The following NR6A1 variants were observed in gnomAD, a reference collection of about 807,000 sequenced individuals.
NR6A1 encodes the protein nuclear receptor subfamily 6 group A member 1, also known as retinoic acid receptor-related testis-associated receptor.
NR6A1 carries 7 observed loss-of-function variants against 59.1 expected under a neutral mutation model. The observed-to-expected ratio is 0.12, with a 90% CI of 0.07 to 0.22. The LOEUF is 0.22. NR6A1 is among the 10% of genes least tolerant of loss of function. The probability of loss-of-function intolerance (pLI) is 1.00; values close to 1 mark genes in which losing one functional copy is unlikely to be tolerated. For missense variants in NR6A1, 468 were observed against 611.6 expected (o/e 0.77, Z 2.48); for synonymous variants, 243 against 236.1 (o/e 1.03, Z -0.27).
intron 1 of NR6A1, among the ~76,000 whole-genome samples, chr9:124,761,649 CTCT>C (rs1162633498): frequency 1.3e-5 from 2 of 152,070 alleles, no homozygotes; most frequent in East Asian, 3.8e-4. Flanking sequence ...GAAATCACAA[CTCT>C]AAGACTCAGT....
chr9:124,536,897 C>G (rs921696456), intron 6 of NR6A1, among the ~76,000 whole-genome samples: 1 of 152,124 alleles, frequency 6.6e-6, no homozygotes, highest in African/African-American at 2.4e-5. Context: ...TTTTTCTGCT[C>G]TCACTCCACC....
intron 3 of NR6A1, among the ~76,000 whole-genome samples, chr9:124,544,090 AT>A (rs1833524158): frequency 6.6e-6 from 1 of 152,258 alleles, no homozygotes; most frequent in East Asian, 1.9e-4. Flanking sequence ...CACACACTGT[AT>A]ACATTCAATA....
intron 2 of NR6A1, among the ~76,000 whole-genome samples, chr9:124,717,756 C>A (rs1839446328): frequency 6.6e-6 from 1 of 152,170 alleles, no homozygotes; most frequent in South Asian, 2.1e-4. Flanking sequence ...ACTTTGGGAT[C>A]ACACAGGGTT....
intron 3 of NR6A1, among the ~76,000 whole-genome samples, chr9:124,549,514 C>T (rs763183219): frequency 6.6e-6 from 1 of 152,146 alleles, no homozygotes; most frequent in African/African-American, 2.4e-5. Flanking sequence ...TCTCCATTCA[C>T]CACCCTTCTT....
At chr9:124,594,266 G>C (rs895543287) in intron 2 of NR6A1, among the ~76,000 whole-genome samples, 1 of 152,124 alleles carries the variant, frequency 6.6e-6, no homozygotes, top group Admixed American at 6.5e-5. Flanking sequence ...TTTTGGTACC[G>C]TAAGTTATTT....
intron 2 of NR6A1, among the ~76,000 whole-genome samples, chr9:124,670,468 GAAAAGGTCTA>G (rs1474773559): frequency 6.7e-6 from 1 of 149,488 alleles, no homozygotes; most frequent in Non-Finnish European, 1.5e-5. Context: ...TAGTTGTTGA[GAAAAGGTCTA>G]AAAAGCTAGG....
chr9:124,633,502 G>A (rs1171758740), intron 2 of NR6A1, among the ~76,000 whole-genome samples: 1 of 151,948 alleles, frequency 6.6e-6, no homozygotes, highest in African/African-American at 2.4e-5. Context: ...TGTTCTGCAG[G>A]CTAAAACATA....
chr9:124,618,210 G>A (rs992972609), intron 2 of NR6A1, among the ~76,000 whole-genome samples: 15 of 152,136 alleles, frequency 9.9e-5, no homozygotes, highest in African/African-American at 3.1e-4. Flanking sequence ...GGCCAGGTAC[G>A]GTGGCTCACA....
In NR6A1 at chr9:124,771,184, G is replaced by T. The variant is rs1307728040; in HGVS notation, c.-65C>A. 5.2e-6 allele frequency: 5 copies of T among 954,222 alleles called. No homozygotes were observed. Among genetic ancestry groups the T allele is most frequent in the African/African-American group, 1.7e-5 (1 of 59,100 alleles). The allele number at this position is 954,222 out of a possible 1,614,324, so 59.1% of individuals were successfully genotyped here. ...CCATGACCGGCGCCCTAGTCGCCGT[G>T]GTCGTCGTCCGCCGAGGGGAGGAGG... On this transcript the variant is annotated 5_prime_UTR_variant, in exon 1 of 10. Coordinates refer to ENST00000487099, the MANE Select transcript of NR6A1 (RefSeq NM_033334.4).
At chr9:124,526,974 C>T in intron 7 of NR6A1, 74 bp from the exon 8 acceptor site, 1 of 1,565,218 alleles carries the variant, frequency 6.4e-7, no homozygotes, top group Non-Finnish European at 8.8e-7. Context: ...CCAGAGAGCT[C>T]CTACAGCTCC....
At chr9:124,540,739 T>C (rs1379896096) in intron 4 of NR6A1, among the ~76,000 whole-genome samples, 1 of 152,134 alleles carries the variant, frequency 6.6e-6, no homozygotes, top group Admixed American at 6.5e-5. Context: ...AGATTGAGGC[T>C]GTAGTGAGCC....
intron 2 of NR6A1, among the ~76,000 whole-genome samples, chr9:124,564,709 GTA>G (rs1491053409): frequency 1.5e-5 from 2 of 137,320 alleles, no homozygotes; most frequent in South Asian, 2.3e-4. Context: ...GTGTGTGTGT[GTA>G]TAACTTGACA....
chr9:124,595,727 T>C, intron 2 of NR6A1: 4 of 1,211,360 alleles, frequency 3.3e-6, no homozygotes, highest in Non-Finnish European at 4.4e-6. Context: ...CCCTTAGATT[T>C]GGGCCCCAGA....
At position 124,520,075 on chromosome 9, in the gene NR6A1, AAAC is replaced by A. The variant is rs1466210554; in HGVS notation, c.*2627_*2629del. On this transcript the variant is annotated 3_prime_UTR_variant, in exon 10 of 10. Transcript: ENST00000487099. Reference sequence around the variant, plus strand: ...CAAACATTATGGGGAAGAAAGCAAAAAACAAACACACCAAACCTCCCCTCCAAC... The same window carrying A: ...CAAACATTATGGGGAAGAAAGCAAAAAAACACACCAAACCTCCCCTCCAAC... The A allele has an allele frequency of 3.3e-5, 5 of 152,028 alleles. No individual in the cohort carries two copies. Among genetic ancestry groups the A allele is most frequent in the Non-Finnish European group, 7.4e-5 (5 of 68,010 alleles). The allele number at this position is 152,028 out of a possible 1,614,324, so 9.4% of individuals were successfully genotyped here. A position where few individuals can be genotyped will look rare whatever the true frequency, so the allele number is the denominator to read the frequency against.
chr9:124,724,869 G>C (rs998532828), intron 2 of NR6A1, among the ~76,000 whole-genome samples: 2 of 152,130 alleles, frequency 1.3e-5, no homozygotes, highest in African/African-American at 4.8e-5. Flanking sequence ...TAATAATTTA[G>C]CCTAGAAAGC....
At chr9:124,699,891 T>C (rs1372372922) in intron 2 of NR6A1, among the ~76,000 whole-genome samples, 1 of 152,212 alleles carries the variant, frequency 6.6e-6, no homozygotes, top group African/African-American at 2.4e-5. Flanking sequence ...CTTCTTCCAG[T>C]CTTCGCCCAG....
intron 2 of NR6A1, among the ~76,000 whole-genome samples, chr9:124,713,184 T>C (rs530418607): frequency 6.8e-4 from 104 of 152,062 alleles, no homozygotes; most frequent in African/African-American, 2.4e-3. Context: ...ATGGTACTGA[T>C]AAAATAATAT....
chr9:124,703,469 A>C (rs945553174), intron 2 of NR6A1, among the ~76,000 whole-genome samples: 1 of 151,040 alleles, frequency 6.6e-6, no homozygotes, highest in African/African-American at 2.4e-5. Flanking sequence ...CAGCCTCCCA[A>C]AGTGCTGGTA....
chr9:124,702,089 C>A (rs185551596), intron 2 of NR6A1, among the ~76,000 whole-genome samples: 13 of 152,242 alleles, frequency 8.5e-5, no homozygotes, highest in Admixed American at 8.5e-4. Flanking sequence ...TTCTTAATAA[C>A]GTATTTTGAA....
Sources: gnomAD v4.1 joint callset for allele counts (sites outside exome capture counted in the v4.1 genomes callset) on GRCh38, gnomAD v4.1.1 for gene constraint, MANE v1.5 for transcripts, NCBI Gene and HGNC (gene_info 2026-07-23, HGNC 2026-07-21) for gene names.